The following WDPCP variants were observed in gnomAD, a reference collection of about 807,000 sequenced individuals.
The protein encoded by WDPCP is WD repeat containing planar cell polarity effector, also known as WD repeat-containing and planar cell polarity effector protein fritz homolog.
WDPCP carries 71 observed loss-of-function variants against 93.1 expected under a neutral mutation model. That is an observed-to-expected ratio of 0.76 (90% CI 0.63 to 0.93). The LOEUF (loss-of-function observed/expected upper bound fraction) is 0.93. WDPCP is among the 40% of genes least tolerant of loss of function. WDPCP has a pLI of 0.00. For synonymous variants in WDPCP, 315 were observed against 315.0 expected (o/e 1.00, Z 0.00); for missense variants, 844 against 887.4 (o/e 0.95, Z 0.62).
chr2:63,250,548 A>G (rs1559247118), intron 14 of WDPCP, among the ~76,000 whole-genome samples: 1 of 152,160 alleles, frequency 6.6e-6, no homozygotes, highest in African/African-American at 2.4e-5. Flanking sequence ...TGCTAAGCCT[A>G]TTAGTAAGGA....
At chr2:63,647,573 G>A (rs746434167) in intron 3 of WDPCP, among the ~76,000 whole-genome samples, 1 of 152,206 alleles carries the variant, frequency 6.6e-6, no homozygotes, top group Non-Finnish European at 1.5e-5. Context: ...ATAAAGTGAT[G>A]AAATTATAGA....
chr2:63,523,314 A>G (rs1703078603), intron 1 of WDPCP, among the ~76,000 whole-genome samples: 1 of 152,194 alleles, frequency 6.6e-6, no homozygotes, highest in East Asian at 1.9e-4. Flanking sequence ...CCTCACAATA[A>G]TAAGGGCCAT....
intron 2 of WDPCP, among the ~76,000 whole-genome samples, chr2:63,729,017 C>T (rs1669525156): frequency 6.6e-6 from 1 of 152,084 alleles, no homozygotes; most frequent in Non-Finnish European, 1.5e-5. Flanking sequence ...GTTAATTATG[C>T]CCCTCAAAGA....
chr2:63,277,934 A>G (rs945334921), intron 13 of WDPCP, among the ~76,000 whole-genome samples: 3 of 152,202 alleles, frequency 2.0e-5, no homozygotes, highest in African/African-American at 7.2e-5. Flanking sequence ...TCTACCCAAC[A>G]ACTGCAGAAT....
At chr2:63,408,691 G>A (rs1057334998) in intron 9 of WDPCP, among the ~76,000 whole-genome samples, 1 of 152,184 alleles carries the variant, frequency 6.6e-6, no homozygotes, top group South Asian at 2.1e-4. Context: ...CCTGGAAACA[G>A]ACTTGGGACT....
At chr2:63,588,567 C>T (rs1416340114), upstream of WDPCP, 2 of 557,144 alleles carry the variant, frequency 3.6e-6, no homozygotes, top group East Asian at 6.3e-5. Context: ...GGTCTCTTTA[C>T]CTCCCACGTT....
chr2:63,351,792 T>C (rs892447530), intron 12 of WDPCP, among the ~76,000 whole-genome samples: 15 of 152,198 alleles, frequency 9.9e-5, no homozygotes, highest in Admixed American at 9.8e-4. Context: ...TACCCAGTAA[T>C]GGGATTGCTG....
chr2:63,335,640 C>G (rs1443836968), intron 12 of WDPCP, among the ~76,000 whole-genome samples: 2 of 152,084 alleles, frequency 1.3e-5, no homozygotes, highest in Non-Finnish European at 2.9e-5. Flanking sequence ...AAAAATGCTA[C>G]TGTTTTTGTG....
At chr2:63,134,472 A>G (rs1670483401) in intron 17 of WDPCP, among the ~76,000 whole-genome samples, 1 of 152,252 alleles carries the variant, frequency 6.6e-6, no homozygotes, top group African/African-American at 2.4e-5. Context: ...ATATGCATAC[A>G]CAAACACCCA....
At chr2:63,561,391 T>C (rs995500043) in intron 1 of WDPCP, among the ~76,000 whole-genome samples, 8 of 151,858 alleles carry the variant, frequency 5.3e-5, no homozygotes, top group African/African-American at 1.5e-4. Flanking sequence ...GGCAGGAGAA[T>C]TGCTTGAACC....
chr2:63,753,118 T>C (rs1669908285), intron 2 of WDPCP, among the ~76,000 whole-genome samples: 1 of 152,174 alleles, frequency 6.6e-6, no homozygotes, highest in African/African-American at 2.4e-5. Context: ...AGTCCGTTCT[T>C]GCACTGCTAT....
At chr2:63,381,758 T>C (rs1692326487) in intron 11 of WDPCP, 148 bp downstream of exon 11, 3 of 801,060 alleles carry the variant, frequency 3.7e-6, no homozygotes, top group Non-Finnish European at 3.9e-6. Context: ...TTATTTGATA[T>C]CTGATCCTTT....
At chr2:63,506,461 C>T (rs548896218) in intron 1 of WDPCP, among the ~76,000 whole-genome samples, 2 of 151,738 alleles carry the variant, frequency 1.3e-5, no homozygotes, top group South Asian at 2.1e-4. Flanking sequence ...GGCAAAGGAA[C>T]TAGTGGCAAG....
intron 1 of WDPCP, among the ~76,000 whole-genome samples, chr2:63,540,594 ATG>A (rs1445725717): frequency 1.3e-5 from 2 of 152,236 alleles, no homozygotes; most frequent in African/African-American, 4.8e-5. Flanking sequence ...TTTATATTAT[ATG>A]TGTTTATAAA....
At chr2:63,202,219 G>T (rs1235936037) in intron 14 of WDPCP, among the ~76,000 whole-genome samples, 1 of 151,802 alleles carries the variant, frequency 6.6e-6, no homozygotes, top group Non-Finnish European at 1.5e-5. Context: ...TGCAGTTTAA[G>T]AATTATTCAA....
intron 3 of WDPCP, among the ~76,000 whole-genome samples, chr2:63,636,017 A>G (rs1709916366): frequency 6.6e-6 from 1 of 152,254 alleles, no homozygotes; most frequent in Admixed American, 6.5e-5. Flanking sequence ...ATATCAGGAT[A>G]GAAAATCAAC....
At chr2:63,378,587 A>G (rs1273306759) in intron 11 of WDPCP, 78 bp from the exon 12 acceptor site, 1 of 1,599,380 alleles carries the variant, frequency 6.3e-7, no homozygotes, top group Non-Finnish European at 8.6e-7. Flanking sequence ...GTTTGCAGTC[A>G]GTCAGGTTTT....
chr2:63,319,206 C>G (rs758731896), intron 12 of WDPCP, among the ~76,000 whole-genome samples: 3 of 152,110 alleles, frequency 2.0e-5, no homozygotes, highest in African/African-American at 7.2e-5. Flanking sequence ...ATGTCCAGAA[C>G]AATATTTCCT....
At chr2:63,391,100 T>G (rs10211150) in intron 10 of WDPCP, among the ~76,000 whole-genome samples, 83,159 of 151,878 alleles carry the variant, frequency 0.55, 23,172 homozygotes, top group Admixed American at 0.63. Context: ...AAGAGAATTT[T>G]AGACCAATAT....
Sources: allele counts gnomAD v4.1 joint callset (sites outside exome capture counted in the v4.1 genomes callset), GRCh38; gene constraint gnomAD v4.1.1; transcripts MANE v1.5; gene names NCBI Gene and HGNC (gene_info 2026-07-23, HGNC 2026-07-21).